The following SSH2 variants were observed in gnomAD, a reference collection of about 807,000 sequenced individuals.
The protein encoded by SSH2 is protein phosphatase Slingshot homolog 2.
A neutral mutation model predicts 135.2 loss-of-function variants in SSH2; 37 were observed. The observed-to-expected ratio is 0.27, with a 90% CI of 0.21 to 0.36. The LOEUF (loss-of-function observed/expected upper bound fraction) is 0.36, where lower values mean the gene tolerates loss of function less well. Ranked by LOEUF, SSH2 falls within the 10% of genes least tolerant of loss-of-function variation. The pLI, the probability that SSH2 is intolerant of heterozygous loss-of-function variation, is 1.00. For missense variants in SSH2, 1,408 were observed against 1,765.3 expected, an observed-to-expected ratio of 0.80 and a Z score of 3.63; for synonymous variants, 628 against 646.2, an observed-to-expected ratio of 0.97 and a Z score of 0.43.
intron 1 of SSH2, chr17:29,856,291 T>C (rs980926890): frequency 7.7e-6 from 2 of 260,008 alleles, no homozygotes; most frequent in African/African-American, 2.3e-5. Context: ...AGATGATCTG[T>C]ATGTCACTGA....
At chr17:29,857,036 C>T (rs1028739423) in intron 1 of SSH2, among the ~76,000 whole-genome samples, 4 of 152,000 alleles carry the variant, frequency 2.6e-5, no homozygotes, top group African/African-American at 9.7e-5. Flanking sequence ...CCTGGCCCCT[C>T]CCAAATCTCA....
chr17:29,741,814 C>T (rs1322019459), intron 3 of SSH2, among the ~76,000 whole-genome samples: 1 of 151,880 alleles, frequency 6.6e-6, no homozygotes, highest in African/African-American at 2.4e-5. Flanking sequence ...CGGGGTTTCA[C>T]CATGTTGGCC....
intron 1 of SSH2, among the ~76,000 whole-genome samples, chr17:29,926,998 A>G (rs1213752924): frequency 6.6e-6 from 1 of 152,204 alleles, no homozygotes; most frequent in Non-Finnish European, 1.5e-5. Context: ...TACTGGCTGA[A>G]TGACACTGCG....
At chr17:29,865,044 C>T (rs755316885) in intron 1 of SSH2, among the ~76,000 whole-genome samples, 1 of 152,192 alleles carries the variant, frequency 6.6e-6, no homozygotes, top group Non-Finnish European at 1.5e-5. Context: ...TCATATCACT[C>T]CTATGAAAAC....
intron 14 of SSH2, chr17:29,641,776 G>A (rs2036170747): frequency 6.6e-6 from 1 of 152,040 alleles, no homozygotes; most frequent in South Asian, 2.1e-4. Context: ...ATTGTTACGT[G>A]TTTGGTGAAA....
intron 9 of SSH2, among the ~76,000 whole-genome samples, chr17:29,669,787 GT>G (rs1184072404): frequency 6.6e-6 from 1 of 150,428 alleles, no homozygotes; most frequent in East Asian, 2.0e-4. Flanking sequence ...CTGCCTTTAT[GT>G]TTTTTGCTTA....
intron 3 of SSH2, among the ~76,000 whole-genome samples, chr17:29,786,258 G>A (rs1028971756): frequency 1.3e-5 from 2 of 152,182 alleles, no homozygotes; most frequent in African/African-American, 4.8e-5. Flanking sequence ...AAACAGGTTG[G>A]AAAGGTTCCC....
chr17:29,795,425 T>A (rs2042140083), intron 2 of SSH2, among the ~76,000 whole-genome samples: 2 of 152,076 alleles, frequency 1.3e-5, no homozygotes. Context: ...CCAGAAGGAG[T>A]ACAGGTAGAA....
At position 29,650,660 on chromosome 17, in the gene SSH2, T is replaced by A. The variant is rs2036548895; in HGVS notation, c.1220A>T (p.Lys407Ile). The change falls in exon 13 of 16, where the codon AAA becomes ATA. Residue 407 changes from lysine (K) to isoleucine (I), a missense_variant. This residue lies in a region of SSH2 where 106 missense variants were observed against 265.2 expected (regional missense o/e 0.40). Coordinates refer to ENST00000540801, the MANE Select transcript of SSH2 (RefSeq NM_001282129.2). ...GTGCAGGACTATTACTCACTTTGCTTTAGAGATGAATTTGTAAGTGTCATT... is the reference window on the plus strand; with the variant it reads ...GTGCAGGACTATTACTCACTTTGCTATAGAGATGAATTTGTAAGTGTCATT... ...YWNDTYKFISKAKKHGSKCLV... is the reference protein window; with the variant it reads ...YWNDTYKFISIAKKHGSKCLV... 6.2e-7 allele frequency: 1 copy of A among 1,613,132 alleles called. No homozygotes were observed. Among genetic ancestry groups the A allele is most frequent in the Non-Finnish European group, 8.5e-7 (1 of 1,179,514 alleles).
chr17:29,866,975 G>A (rs909281668), intron 1 of SSH2, among the ~76,000 whole-genome samples: 2 of 151,936 alleles, frequency 1.3e-5, no homozygotes, highest in Admixed American at 6.6e-5. Context: ...TGAAACTACA[G>A]GCCATGTGCC....
chr17:29,676,547 T>C, intron 8 of SSH2: 1 of 344,250 alleles, frequency 2.9e-6, no homozygotes, highest in Non-Finnish European at 5.4e-6. Flanking sequence ...TAAAACTCGG[T>C]ATCAACTGGC....
chr17:29,909,282 C>G (rs2066721618), intron 1 of SSH2, among the ~76,000 whole-genome samples: 1 of 151,970 alleles, frequency 6.6e-6, no homozygotes, highest in African/African-American at 2.4e-5. Flanking sequence ...CCCCTTTTTA[C>G]TAACAAACAA....
chr17:29,674,788 A>G (rs2037637141), intron 8 of SSH2, among the ~76,000 whole-genome samples: 1 of 152,212 alleles, frequency 6.6e-6, no homozygotes, highest in Non-Finnish European at 1.5e-5. Flanking sequence ...TTAAAAAAAA[A>G]TGCAAAAAAA....
At chr17:29,791,735 GA>G (rs1281667157) in intron 3 of SSH2, among the ~76,000 whole-genome samples, 1 of 152,154 alleles carries the variant, frequency 6.6e-6, no homozygotes, top group Non-Finnish European at 1.5e-5. Context: ...CTAAATGTAA[GA>G]CATTATAACA....
intron 1 of SSH2, among the ~76,000 whole-genome samples, chr17:29,902,831 A>C (rs2066583368): frequency 6.6e-6 from 1 of 152,120 alleles, no homozygotes; most frequent in African/African-American, 2.4e-5. Flanking sequence ...TTAATTTTCC[A>C]TGGTGAATAC....
chr17:29,899,800 C>A (rs966295828), intron 1 of SSH2, among the ~76,000 whole-genome samples: 3 of 152,086 alleles, frequency 2.0e-5, no homozygotes, highest in Non-Finnish European at 4.4e-5. Flanking sequence ...TCATGTGGAA[C>A]CAAAAAAGAG....
chr17:29,843,705 A>G (rs1277354811), intron 2 of SSH2, among the ~76,000 whole-genome samples: 1 of 152,214 alleles, frequency 6.6e-6, no homozygotes, highest in Non-Finnish European at 1.5e-5. Flanking sequence ...GAACCCTGAG[A>G]ATTGAAGTCC....
chr17:29,908,937 C>G (rs1599177849), intron 1 of SSH2, among the ~76,000 whole-genome samples: 3 of 151,776 alleles, frequency 2.0e-5, no homozygotes, highest in African/African-American at 7.3e-5. Context: ...ATTACCCAGG[C>G]GTGGTGGCGG....
intron 11 of SSH2, among the ~76,000 whole-genome samples, chr17:29,661,061 C>CAAAAAAAAAAAAAAAAAAAAAAAAAAAAA (rs374216221): frequency 4.1e-5 from 2 of 48,360 alleles, no homozygotes; most frequent in African/African-American, 1.3e-4. Flanking sequence ...AATTCCATCT[C>CAAAAAAAAAAAAAAAAAAAAAAAAAAAAA]AAAAAAAAAA....
Sources: gnomAD v4.1 joint callset for allele counts (sites outside exome capture counted in the v4.1 genomes callset) on GRCh38, gnomAD v4.1.1 for gene constraint, gnomAD v4.1.1 regional missense constraint, MANE v1.5 for transcripts, NCBI Gene and HGNC (gene_info 2026-07-23, HGNC 2026-07-21) for gene names.